KCNAB2: variants seen among roughly 807,000 people sequenced by gnomAD.
KCNAB2 encodes the protein potassium voltage-gated channel subfamily A regulatory beta subunit 2, also known as voltage-gated potassium channel subunit beta-2.
KCNAB2 carries 29 observed loss-of-function variants against 63.6 expected under a neutral mutation model. The observed-to-expected ratio is 0.46, with a 90% CI of 0.34 to 0.62. KCNAB2 has a LOEUF of 0.62. Ranked by LOEUF, KCNAB2 falls within the 20% of genes least tolerant of loss-of-function variation. The probability of loss-of-function intolerance (pLI) is 0.01; values close to 1 mark genes in which losing one functional copy is unlikely to be tolerated. For missense variants in KCNAB2, 359 were observed against 563.9 expected, an observed-to-expected ratio of 0.64 and a Z score of 3.68; for synonymous variants, 222 against 224.2, an observed-to-expected ratio of 0.99 and a Z score of 0.09.
intron 1 of KCNAB2, among the ~76,000 whole-genome samples, chr1:5,993,693 G>A (rs914861146): frequency 6.6e-6 from 1 of 152,116 alleles, no homozygotes; most frequent in Non-Finnish European, 1.5e-5. Context: ...GCAGCATCCC[G>A]GGGTGCTCCA....
chr1:6,017,441 T>TGTGTG (rs1275979815), intron 1 of KCNAB2, among the ~76,000 whole-genome samples: 1 of 150,654 alleles, frequency 6.6e-6, no homozygotes, highest in African/African-American at 2.4e-5. Context: ...TGTGTGTGTA[T>TGTGTG]TTTTAGTAGA....
upstream of KCNAB2, among the ~76,000 whole-genome samples, chr1:6,033,873 T>G (rs1323345194): frequency 6.6e-6 from 1 of 152,188 alleles, no homozygotes; most frequent in African/African-American, 2.4e-5. Flanking sequence ...TGCTTCAGTT[T>G]CTCCAAATCT....
chr1:6,030,692 ATGTG>A (rs754643908), upstream of KCNAB2, among the ~76,000 whole-genome samples: 2 of 142,482 alleles, frequency 1.4e-5, no homozygotes, highest in Non-Finnish European at 3.1e-5. Flanking sequence ...GTTTGTGTGT[ATGTG>A]TGTGTGTATG....
At chr1:6,082,043 A>G (rs1571060103) in intron 4 of KCNAB2, 152 bp from the exon 5 acceptor site, 7 of 639,524 alleles carry the variant, frequency 1.1e-5, no homozygotes. Context: ...CTGTGGCAGG[A>G]GAGGGCAAGG....
intron 1 of KCNAB2, among the ~76,000 whole-genome samples, chr1:6,021,747 TATTGA>T (rs1200953513): frequency 1.3e-5 from 2 of 149,482 alleles, no homozygotes; most frequent in Non-Finnish European, 3.0e-5. Flanking sequence ...AGTTCGGTGG[TATTGA>T]GTGTACAGTT....
chr1:6,093,826 C>T (rs144187514), intron 10 of KCNAB2, among the ~76,000 whole-genome samples: 1 of 152,326 alleles, frequency 6.6e-6, no homozygotes, highest in African/African-American at 2.4e-5. Context: ...AACATGAGCT[C>T]AGCCCCGAAG....
Position 6,020,331 on chromosome 1 carries a change from C to T in KCNAB2, c.-52-20186C>T, listed in dbSNP as rs1658748554. ...CCCAGACAGGGCTGGCTCGGGATCT[C>T]GTTCTGTGGTCAGGACCACCTGCTG... On this transcript the variant is annotated intron_variant, in intron 1 of 16. Coordinates refer to the KCNAB2 transcript ENST00000341524. 2.0e-5 allele frequency among the ~76,000 whole-genome samples: 3 copies of T among 152,172 alleles called. 1 individual carries two copies. In the South Asian group the frequency reaches 6.2e-4, roughly 32 times the overall value.
chr1:6,030,872 GTGTGTATGTA>G (rs1158266283), upstream of KCNAB2, among the ~76,000 whole-genome samples: 4 of 151,530 alleles, frequency 2.6e-5, no homozygotes, highest in African/African-American at 9.7e-5. Context: ...ATGTGTAGGT[GTGTGTATGTA>G]TGTGTAGGTG....
At chr1:6,062,175 G>A (rs749631845) in intron 2 of KCNAB2, among the ~76,000 whole-genome samples, 11 of 152,120 alleles carry the variant, frequency 7.2e-5, no homozygotes, top group Non-Finnish European at 1.2e-4. Context: ...TTAGCCGAGC[G>A]CGGTGGCACA....
chr1:6,002,525 G>A (rs1657314575), intron 1 of KCNAB2, among the ~76,000 whole-genome samples: 4 of 152,370 alleles, frequency 2.6e-5, no homozygotes, highest in African/African-American at 9.6e-5. Context: ...TCTGTACTGA[G>A]GGCTCTGTCC....
chr1:6,021,111 G>A (rs1658791377), intron 1 of KCNAB2, among the ~76,000 whole-genome samples: 1 of 152,166 alleles, frequency 6.6e-6, no homozygotes, highest in Non-Finnish European at 1.5e-5. Context: ...TCCTGCCTCA[G>A]CCTCCCAAGT....
upstream of KCNAB2, chr1:6,041,728 G>A (rs1660515897): frequency 2.0e-6 from 2 of 1,005,380 alleles, no homozygotes; most frequent in South Asian, 1.3e-5. Context: ...ATGGGACATT[G>A]GTGGTTCTTT....
upstream of KCNAB2, among the ~76,000 whole-genome samples, chr1:6,043,522 C>T (rs1383018894): frequency 6.6e-6 from 1 of 152,208 alleles, no homozygotes; most frequent in African/African-American, 2.4e-5. Context: ...AATTCTGGTG[C>T]CCACAGGCTC....
At chr1:6,048,523 G>A (rs1252191227) in intron 1 of KCNAB2, among the ~76,000 whole-genome samples, 1 of 152,230 alleles carries the variant, frequency 6.6e-6, no homozygotes, top group East Asian at 1.9e-4. Flanking sequence ...CAGAAGCTGG[G>A]CACTCAGCCA....
intron 14 of KCNAB2, 131 bp from the exon 15 acceptor site, chr1:6,097,138 A>G (rs1010341446): frequency 4.8e-6 from 5 of 1,034,998 alleles, no homozygotes; most frequent in Non-Finnish European, 5.5e-6. Context: ...CCAGCACTGC[A>G]GGGCTTCCTA....
chr1:6,012,561 T>G (rs1570857097), intron 1 of KCNAB2, among the ~76,000 whole-genome samples: 1 of 68,854 alleles, frequency 1.5e-5, no homozygotes, highest in South Asian at 5.2e-4. Flanking sequence ...TGGGTGGAGG[T>G]GGAGATGGAG....
intron 9 of KCNAB2, among the ~76,000 whole-genome samples, chr1:6,090,869 G>A (rs916985380): frequency 6.6e-6 from 1 of 152,180 alleles, no homozygotes; most frequent in Admixed American, 6.5e-5. Context: ...GGGAAGCTTG[G>A]GGGGACTTTT....
In KCNAB2 at chr1:6,051,565, T is replaced by G. The variant is rs1464390367; in HGVS notation, c.29T>G (p.Leu10Arg). Residue 10 changes from leucine (L) to arginine (R), a missense_variant, in exon 2 of 16, where the codon CTG becomes CGG. Transcript: ENST00000378083. MLSMTYSESLRSVSSRCHSE... is the reference protein window; with the variant it reads MLSMTYSESRRSVSSRCHSE... ...CTGTCCATGACGTACAGCGAGAGTC[T>G]GCGGAGCGTGAGCAGCAGGTGCCAC... The G allele has an allele frequency of 6.5e-7, 1 of 1,533,610 alleles. No individual in the cohort carries two copies. The highest frequency in any genetic ancestry group is 8.7e-7 in the Non-Finnish European group (1 of 1,145,316).
chr1:6,042,005 G>T, upstream of KCNAB2: 2 of 754,432 alleles, frequency 2.7e-6, no homozygotes, highest in Non-Finnish European at 4.6e-6. Context: ...CCCAGGCTCT[G>T]CTCATCACCC....
Sources: gnomAD v4.1 joint callset for allele counts (sites outside exome capture counted in the v4.1 genomes callset) on GRCh38, gnomAD v4.1.1 for gene constraint, MANE v1.5 for transcripts, NCBI Gene and HGNC (gene_info 2026-07-23, HGNC 2026-07-21) for gene names.